NOL4L: variants seen among roughly 807,000 people sequenced by gnomAD.
NOL4L encodes the protein nucleolar protein 4 like.
In NOL4L, 7 loss-of-function variants were observed where a neutral mutation model predicts 64.5. The ratio of observed to expected loss-of-function variants is 0.11; its 90% CI spans 0.06 to 0.20. The LOEUF (loss-of-function observed/expected upper bound fraction) is 0.20, where lower values mean the gene tolerates loss of function less well. Ranked by LOEUF, NOL4L falls within the 10% of genes least tolerant of loss-of-function variation. NOL4L has a pLI of 1.00. For missense variants in NOL4L, 680 were observed against 967.1 expected (o/e 0.70, Z 3.94); for synonymous variants, 413 against 401.0 (o/e 1.03, Z -0.36).
At chr20:32,484,494 CCG>C (rs1242349730) in intron 4 of NOL4L, among the ~76,000 whole-genome samples, 2 of 152,120 alleles carry the variant, frequency 1.3e-5, no homozygotes, top group Non-Finnish European at 2.9e-5. Context: ...GCCCTCCTCC[CCG>C]CCCCCCGCGG....
chr20:32,580,901 G>GCGCTCCACT (rs1448137604), intron 1 of NOL4L, among the ~76,000 whole-genome samples: 2 of 152,140 alleles, frequency 1.3e-5, no homozygotes, highest in Non-Finnish European at 2.9e-5. Flanking sequence ...ACGGCTCCAC[G>GCGCTCCACT]CGCTCCACTC....
Position 32,488,491 on chromosome 20 carries a change from G to A in NOL4L, c.700-13749C>T, listed in dbSNP as rs372815999. 6.6e-5 allele frequency among the ~76,000 whole-genome samples: 10 copies of A among 152,258 alleles called. No homozygotes were observed. The East Asian group carries it at 1.3e-3, about 21-fold the overall frequency. ...TTGTACATTTCATAATTGCACAATC[G>A]GGGTCACATCCCTCTCTCTAAATGC... On this transcript the variant is annotated intron_variant, in intron 4 of 10. Transcript: ENST00000621426.
intron 1 of NOL4L, among the ~76,000 whole-genome samples, chr20:32,556,120 G>A (rs903909573): frequency 3.9e-5 from 6 of 152,194 alleles, no homozygotes; most frequent in African/African-American, 7.2e-5. Context: ...AAATACATGC[G>A]GAGTGAGATG....
intron 4 of NOL4L, among the ~76,000 whole-genome samples, chr20:32,476,124 G>A (rs2015377114): frequency 6.6e-6 from 1 of 151,248 alleles, no homozygotes; most frequent in African/African-American, 2.4e-5. Flanking sequence ...CCTCCCACAG[G>A]CTGCCTGCTC....
At chr20:32,530,075 T>C (rs2018287883) in intron 1 of NOL4L, among the ~76,000 whole-genome samples, 1 of 152,232 alleles carries the variant, frequency 6.6e-6, no homozygotes, top group African/African-American at 2.4e-5. Context: ...ACAGGGCTCT[T>C]CATATACTGC....
chr20:32,528,860 G>T (rs184960302), intron 1 of NOL4L, among the ~76,000 whole-genome samples: 277 of 152,326 alleles, frequency 1.8e-3, no homozygotes, highest in Non-Finnish European at 3.4e-3. Context: ...AGGGGGCTTT[G>T]AAGATCAAGA....
chr20:32,528,943 C>T (rs887230224), intron 1 of NOL4L, among the ~76,000 whole-genome samples: 1 of 152,200 alleles, frequency 6.6e-6, no homozygotes, highest in Non-Finnish European at 1.5e-5. Context: ...AGACACATCT[C>T]CAAGAGAATT....
chr20:32,499,445 G>T (rs746503178), intron 4 of NOL4L, among the ~76,000 whole-genome samples: 3 of 152,022 alleles, frequency 2.0e-5, no homozygotes, highest in Non-Finnish European at 4.4e-5. Flanking sequence ...AGGCATTAAA[G>T]AAACAATTTT....
intron 3 of NOL4L, 45 bp from the exon 4 acceptor site, chr20:32,511,501 G>A: frequency 2.9e-6 from 4 of 1,381,440 alleles, no homozygotes; most frequent in Non-Finnish European, 4.0e-6. Flanking sequence ...CTGTGCTGCG[G>A]GCCTGTTGCC....
At position 32,463,269 on chromosome 20, in the gene NOL4L, C is replaced by G. The variant is rs557134097; in HGVS notation, c.842-6874G>C. ...GAGCTGGAAGTGGAACCTAAGGGTG[C>G]CCAGGTGACCTCTTGTCCCCACCTG... On this transcript the variant is annotated intron_variant, in intron 5 of 10. Transcript: ENST00000621426. The surrounding 1 kb of genome is among the most constrained non-coding windows in gnomAD (Gnocchi z 5.8). 1.3e-5 allele frequency among the ~76,000 whole-genome samples: 2 copies of G among 152,284 alleles called. No individual in the cohort carries two copies. Among genetic ancestry groups the G allele is most frequent in the African/African-American group, 4.8e-5 (2 of 41,560 alleles).
rs1250148329 is a variant in NOL4L at position 32,453,037 on chromosome 20, G to A, written c.1498-31C>T. ...GGCAGAACGGGGATGGAGCTAGCATGGGGCCCGTGGGGGCCCTGGGCTTGT... is the reference window on the plus strand; with the variant it reads ...GGCAGAACGGGGATGGAGCTAGCATAGGGCCCGTGGGGGCCCTGGGCTTGT... On this transcript the variant is annotated intron_variant, in intron 8 of 10. Coordinates refer to ENST00000621426, the MANE Select transcript of NOL4L (RefSeq NM_001256798.2). This position sits in a 1 kb window ranked among gnomAD's most constrained non-coding sequence, Gnocchi z 5.6. 1 of 1,609,436 alleles carries A rather than the reference G, an allele frequency of 6.2e-7. No individual in the cohort carries two copies. Among genetic ancestry groups the A allele is most frequent in the Middle Eastern group, 1.7e-4 (1 of 5,942 alleles).
At chr20:32,581,804 G>C (rs1475341188) in intron 1 of NOL4L, among the ~76,000 whole-genome samples, 2 of 152,128 alleles carry the variant, frequency 1.3e-5, no homozygotes, top group African/African-American at 4.8e-5. Context: ...TTTGACAAAG[G>C]TTTATGGCCC....
chr20:32,535,898 A>G, intron 1 of NOL4L: 1 of 985,486 alleles, frequency 1.0e-6, no homozygotes. Context: ...GCATCCCCGG[A>G]CGGACAGGCC....
intron 4 of NOL4L, among the ~76,000 whole-genome samples, chr20:32,506,385 G>T (rs548737476): frequency 6.6e-6 from 1 of 151,986 alleles, no homozygotes; most frequent in African/African-American, 2.4e-5. Flanking sequence ...AGCCAGGCCC[G>T]GCACGGTGGC....
chr20:32,457,648 A>T (rs940265772), intron 5 of NOL4L, among the ~76,000 whole-genome samples: 5 of 152,034 alleles, frequency 3.3e-5, no homozygotes, highest in African/African-American at 1.2e-4. Flanking sequence ...GCAGAGGGGG[A>T]TGGGAGGCCA....
intron 1 of NOL4L, among the ~76,000 whole-genome samples, chr20:32,578,014 A>G (rs1308482887): frequency 1.3e-5 from 2 of 152,036 alleles, no homozygotes; most frequent in African/African-American, 4.8e-5. Flanking sequence ...TAGAAGAGGA[A>G]TATGATTACA....
intron 1 of NOL4L, among the ~76,000 whole-genome samples, chr20:32,541,639 C>T (rs928946930): frequency 6.6e-6 from 1 of 152,234 alleles, no homozygotes; most frequent in Non-Finnish European, 1.5e-5. Context: ...AGAGGCCCAG[C>T]TTCTCTCTGG....
At position 32,452,914 on chromosome 20, in the gene NOL4L, C is replaced by T; in HGVS notation, c.1590G>A (p.Arg530=). 1 of 1,614,122 alleles carries T rather than the reference C, an allele frequency of 6.2e-7. No individual in the cohort carries two copies. Among genetic ancestry groups the T allele is most frequent in the Non-Finnish European group, 8.5e-7 (1 of 1,180,030 alleles). The part of the protein sequence containing the change: ...CESETRKAAK[R]MRLEIYQSSQ... Reference sequence around the variant, plus strand: ...AGGACTGGTAGATCTCTAGACGCATCCGCTTGGCTGCCTTTCTTGTCTCGC... The same window carrying T: ...AGGACTGGTAGATCTCTAGACGCATTCGCTTGGCTGCCTTTCTTGTCTCGC... Residue 530 remains arginine (R), a synonymous_variant, in exon 9 of 11, where the codon CGG becomes CGA. Coordinates refer to ENST00000621426, the MANE Select transcript of NOL4L (RefSeq NM_001256798.2).
chr20:32,468,301 C>A (rs2014721239), intron 5 of NOL4L, among the ~76,000 whole-genome samples: 1 of 152,200 alleles, frequency 6.6e-6, no homozygotes, highest in East Asian at 1.9e-4. Context: ...CTCTGCCCTT[C>A]TCTCCTGGTT....
Sources: allele counts gnomAD v4.1 joint callset (sites outside exome capture counted in the v4.1 genomes callset), GRCh38; gene constraint gnomAD v4.1.1; non-coding constraint Gnocchi (gnomAD v3.1); transcripts MANE v1.5; gene names NCBI Gene and HGNC (gene_info 2026-07-23, HGNC 2026-07-21).